PARD3B: variants seen among roughly 807,000 people sequenced by gnomAD.
The protein encoded by PARD3B is par-3 family cell polarity regulator beta, also known as partitioning defective 3 homolog B.
PARD3B carries 103 observed loss-of-function variants against 130.2 expected under a neutral mutation model. That is an observed-to-expected ratio of 0.79 (90% CI 0.67 to 0.93). The LOEUF is 0.93. Ranked by LOEUF, PARD3B falls within the 40% of genes least tolerant of loss-of-function variation. PARD3B has a pLI of 0.00. For synonymous variants in PARD3B, 583 were observed against 553.2 expected (o/e 1.05, Z -0.76); for missense variants, 1,609 against 1,499.2 (o/e 1.07, Z -1.21).
chr2:204,727,385 A>C (rs1344543715), intron 2 of PARD3B, among the ~76,000 whole-genome samples: 2 of 152,222 alleles, frequency 1.3e-5, no homozygotes, highest in African/African-American at 4.8e-5. Context: ...ATAGGAGACT[A>C]CATGTCGATG....
intron 5 of PARD3B, among the ~76,000 whole-genome samples, chr2:205,107,820 A>G (rs1703333251): frequency 6.6e-6 from 1 of 152,210 alleles, no homozygotes; most frequent in Admixed American, 6.5e-5. Context: ...ACTTATTTTG[A>G]TCTTAAAAAG....
At chr2:204,908,664 C>A (rs2047124058) in intron 2 of PARD3B, among the ~76,000 whole-genome samples, 1 of 152,098 alleles carries the variant, frequency 6.6e-6, no homozygotes, top group Non-Finnish European at 1.5e-5. Flanking sequence ...GTACTGGAGC[C>A]TAGACTCTGT....
rs2046400354 is a variant in PARD3B at position 204,890,318 on chromosome 2, A to G, written c.223-74834A>G. ...ATAAATAGAAGATGACAAGGCATGG[A>G]ACAGCATAATGGTCTTGGGAATGCT... On this transcript the variant is annotated intron_variant, in intron 2 of 22. Transcript: ENST00000406610. This position sits in a 1 kb window ranked among gnomAD's most constrained non-coding sequence, Gnocchi z 4.9. Among the ~76,000 whole-genome samples the G allele has an allele frequency of 6.6e-6, 1 of 152,198 alleles. No homozygotes were observed. The highest frequency in any genetic ancestry group is 6.5e-5 in the Admixed American group (1 of 15,282).
At chr2:205,020,884 A>C (rs947123924) in intron 3 of PARD3B, among the ~76,000 whole-genome samples, 1 of 152,134 alleles carries the variant, frequency 6.6e-6, no homozygotes, top group African/African-American at 2.4e-5. Context: ...GGCAAAGGTT[A>C]ATACGAGCAG....
At chr2:205,432,971 T>A (rs1321504851) in intron 19 of PARD3B, among the ~76,000 whole-genome samples, 1 of 152,186 alleles carries the variant, frequency 6.6e-6, no homozygotes, top group Non-Finnish European at 1.5e-5. Flanking sequence ...TTGTTTTACA[T>A]CTATTACAAG....
intron 13 of PARD3B, among the ~76,000 whole-genome samples, chr2:205,180,483 G>A (rs1163243950): frequency 6.6e-6 from 1 of 151,992 alleles, no homozygotes; most frequent in African/African-American, 2.4e-5. Flanking sequence ...AATGTTGATT[G>A]CCACTACCAG....
chr2:205,091,863 G>A lies in PARD3B; in HGVS notation c.505-12563G>A, dbSNP rs545746603. Among the ~76,000 whole-genome samples, 2 of 152,146 alleles carry A rather than the reference G, an allele frequency of 1.3e-5. No individual in the cohort carries two copies. The highest frequency in any genetic ancestry group is 6.5e-5 in the Admixed American group (1 of 15,286). On this transcript the variant is annotated intron_variant, in intron 4 of 22. Coordinates refer to ENST00000406610, the MANE Select transcript of PARD3B (RefSeq NM_001302769.2). This position sits in a 1 kb window ranked among gnomAD's most constrained non-coding sequence, Gnocchi z 4.2. The stretch of plus-strand genomic sequence containing the variant: ...AAAGTGTATACATTTTTTCATCTCT[G>A]TATCTCCAGTGCTTAGCACTGGAGC...
chr2:204,879,770 C>T (rs921788030), intron 2 of PARD3B, among the ~76,000 whole-genome samples: 74 of 152,244 alleles, frequency 4.9e-4, no homozygotes, highest in African/African-American at 1.8e-3. Context: ...GCGGTTTGGC[C>T]TGTATTCTTA....
chr2:205,586,945 CA>C (rs1189476179), intron 22 of PARD3B, among the ~76,000 whole-genome samples: 2 of 152,172 alleles, frequency 1.3e-5, no homozygotes, highest in Non-Finnish European at 2.9e-5. Context: ...TTGTCCATTT[CA>C]AATTTTTCGT....
At chr2:204,939,592 G>C (rs1273512084) in intron 2 of PARD3B, among the ~76,000 whole-genome samples, 1 of 152,132 alleles carries the variant, frequency 6.6e-6, no homozygotes, top group Non-Finnish European at 1.5e-5. Flanking sequence ...TTTGTGGTAT[G>C]TACATTTCAG....
chr2:204,565,381 T>A (rs973229251), intron 1 of PARD3B, among the ~76,000 whole-genome samples: 1 of 152,228 alleles, frequency 6.6e-6, no homozygotes, highest in African/African-American at 2.4e-5. Context: ...ATATTCATAC[T>A]CCATTACAAT....
chr2:204,745,673 G>A (rs1212727987), intron 2 of PARD3B, among the ~76,000 whole-genome samples: 3 of 152,062 alleles, frequency 2.0e-5, no homozygotes, highest in African/African-American at 7.2e-5. Flanking sequence ...AAAGTGCTTG[G>A]ATTACAGGCA....
At chr2:205,390,956 C>T (rs1268208918) in intron 18 of PARD3B, among the ~76,000 whole-genome samples, 4 of 152,170 alleles carry the variant, frequency 2.6e-5, no homozygotes, top group Non-Finnish European at 4.4e-5. Context: ...TGACATGAGT[C>T]AGTTTTTTCC....
In PARD3B at chr2:204,566,301, C is replaced by A. The variant is rs543278689; in HGVS notation, c.120+20182C>A. 3.3e-5 allele frequency among the ~76,000 whole-genome samples: 5 copies of A among 152,344 alleles called. No individual in the cohort carries two copies. In the South Asian group the frequency reaches 1.0e-3, roughly 32 times the overall value. ...GCAGTTGGGATGTGAACTCAGTCGT[C>A]ATGTTTGTAGACAAACCTTTCATTT... On this transcript the variant is annotated intron_variant, in intron 1 of 22. Transcript: ENST00000406610.
chr2:205,598,634 A>G (rs1177966959), intron 22 of PARD3B, among the ~76,000 whole-genome samples: 1 of 152,256 alleles, frequency 6.6e-6, no homozygotes, highest in Admixed American at 6.5e-5. Context: ...GGCATCTACA[A>G]AATACTTTAC....
At chr2:204,973,885 TA>T (rs1691919484) in intron 3 of PARD3B, among the ~76,000 whole-genome samples, 2 of 152,200 alleles carry the variant, frequency 1.3e-5, no homozygotes, top group Non-Finnish European at 2.9e-5. Context: ...GCAGTGACCA[TA>T]AGAGAAGCCA....
chr2:205,036,593 G>T (rs181861100), intron 3 of PARD3B, among the ~76,000 whole-genome samples: 1 of 146,232 alleles, frequency 6.8e-6, no homozygotes, highest in Non-Finnish European at 1.5e-5. Flanking sequence ...TATACACAGC[G>T]GACTGTATGT....
At chr2:204,577,877 A>C (rs1203296570) in intron 1 of PARD3B, among the ~76,000 whole-genome samples, 1 of 152,036 alleles carries the variant, frequency 6.6e-6, no homozygotes, top group African/African-American at 2.4e-5. Flanking sequence ...CAGTTTTCTC[A>C]CTTTTAAATG....
intron 15 of PARD3B, among the ~76,000 whole-genome samples, chr2:205,204,823 C>G (rs879904993): frequency 9.9e-5 from 15 of 152,188 alleles, no homozygotes; most frequent in African/African-American, 3.1e-4. Context: ...TGTTTTGGTA[C>G]CAGTACCATG....
Sources: allele counts gnomAD v4.1 joint callset (sites outside exome capture counted in the v4.1 genomes callset), GRCh38; gene constraint gnomAD v4.1.1; non-coding constraint Gnocchi (gnomAD v3.1); transcripts MANE v1.5; gene names NCBI Gene and HGNC (gene_info 2026-07-23, HGNC 2026-07-21).